Variants in GRAMD1B observed in about 807,000 individuals in gnomAD.
GRAMD1B encodes protein Aster-B.
A neutral mutation model predicts 99.7 loss-of-function variants in GRAMD1B; 37 were observed. The observed-to-expected ratio is 0.37, with a 90% CI of 0.29 to 0.49. The LOEUF (loss-of-function observed/expected upper bound fraction) is 0.49, where lower values mean the gene tolerates loss of function less well. Ranked by LOEUF, GRAMD1B falls within the 20% of genes least tolerant of loss-of-function variation. GRAMD1B has a pLI of 0.98. For missense variants in GRAMD1B, 888 were observed against 1,009.2 expected (o/e 0.88, Z 1.63); for synonymous variants, 427 against 387.6 (o/e 1.10, Z -1.19).
At chr11:123,486,316 CG>C (rs1555041077) in intron 2 of GRAMD1B, among the ~76,000 whole-genome samples, 1 of 151,930 alleles carries the variant, frequency 6.6e-6, no homozygotes, top group Non-Finnish European at 1.5e-5. Flanking sequence ...GGGAGGCCGA[CG>C]TGGGTGGATT....
In GRAMD1B at chr11:123,527,963, T is replaced by A. The variant is rs566035153; in HGVS notation, c.452+47070T>A. Among the ~76,000 whole-genome samples, 3 of 152,338 alleles carry A rather than the reference T, an allele frequency of 2.0e-5. No homozygotes were observed. In the East Asian group the frequency reaches 5.8e-4, roughly 29 times the overall value. On this transcript the variant is annotated intron_variant, in intron 2 of 19. Transcript: ENST00000635736. ...GAGAGCAGTGTTAATCTGGGAACTGTAATTGGGATAATTTTGTCTTCTTCA... is the reference window on the plus strand; with the variant it reads ...GAGAGCAGTGTTAATCTGGGAACTGAAATTGGGATAATTTTGTCTTCTTCA...
In GRAMD1B at chr11:123,619,153, C is replaced by G; in HGVS notation, c.2473C>G (p.Gln825Glu). 3 of 1,571,070 alleles carry G rather than the reference C, an allele frequency of 1.9e-6. No individual in the cohort carries two copies. Among genetic ancestry groups the G allele is most frequent in the Middle Eastern group, 1.7e-4 (1 of 6,018 alleles). ...TEWAQLLESQ[Q>E]KYHDTELQKW... ...ATGGGCCCAGCTCTTAGAGTCCCAA[C>G]AAAAGTACCACGATACTGAGCTCCA... Residue 825 changes from glutamine (Q) to glutamate (E), a missense_variant, in exon 19 of 20, where the codon CAA becomes GAA. Gln to Glu is a conservative substitution (Grantham distance 29). Coordinates refer to ENST00000635736, the MANE Select transcript of GRAMD1B (RefSeq NM_001387025.1).
chr11:123,611,086 G>A lies in GRAMD1B; in HGVS notation c.1919+748G>A, dbSNP rs544677573. On this transcript the variant is annotated intron_variant, in intron 14 of 19. Transcript: ENST00000635736. Reference sequence around the variant, plus strand: ...TGTAAGGAGCCAAAAATTCGCTGATGTAGTTCAAATGAAAGTTTAGTAAAA... The same window carrying A: ...TGTAAGGAGCCAAAAATTCGCTGATATAGTTCAAATGAAAGTTTAGTAAAA... Among the ~76,000 whole-genome samples, 3 of 152,314 alleles carry A rather than the reference G, an allele frequency of 2.0e-5. No individual in the cohort carries two copies. In the East Asian group the frequency reaches 5.8e-4, roughly 29 times the overall value.
chr11:123,548,132 G>A (rs1436235719), intron 2 of GRAMD1B, among the ~76,000 whole-genome samples: 1 of 151,534 alleles, frequency 6.6e-6, no homozygotes, highest in Non-Finnish European at 1.5e-5. Context: ...GATTGCAATG[G>A]GGGGTGAGGC....
chr11:123,423,230 A>G (rs1447311714), intron 1 of GRAMD1B, among the ~76,000 whole-genome samples: 2 of 143,394 alleles, frequency 1.4e-5, no homozygotes, highest in East Asian at 2.0e-4. Context: ...CATAACATCT[A>G]CCAACAATAA....
In GRAMD1B at chr11:123,521,918, A is replaced by G. The variant is rs144281062; in HGVS notation, c.452+41025A>G. Among the ~76,000 whole-genome samples the G allele has an allele frequency of 2.3e-3, 350 of 152,128 alleles. 4 individuals are homozygous for G. The highest frequency in any genetic ancestry group is 7.7e-3 in the African/African-American group (321 of 41,484). On this transcript the variant is annotated intron_variant, in intron 2 of 19. Transcript: ENST00000635736. ...ATCACTAAATTTTTGACGTTTAAAT[A>G]TTTCTTACTTTTTTGATAGCTCATC...
chr11:123,485,947 C>T (rs1937700443), intron 2 of GRAMD1B, among the ~76,000 whole-genome samples: 2 of 152,116 alleles, frequency 1.3e-5, no homozygotes, highest in Non-Finnish European at 2.9e-5. Context: ...AACTCCTGAC[C>T]TCAAGCAATC....
rs542921607 is a variant in GRAMD1B at position 123,492,371 on chromosome 11, T to C, written c.452+11478T>C. Among the ~76,000 whole-genome samples, 2 of 152,200 alleles carry C rather than the reference T, an allele frequency of 1.3e-5. No homozygotes were observed. Among genetic ancestry groups the C allele is most frequent in the South Asian group, 4.2e-4 (2 of 4,816 alleles). ...CTTCCACTTACAGAGACCTAAGCAGTAGGTGTTTGGGGCCATTGCTGTGTG... is the reference window on the plus strand; with the variant it reads ...CTTCCACTTACAGAGACCTAAGCAGCAGGTGTTTGGGGCCATTGCTGTGTG... On this transcript the variant is annotated intron_variant, in intron 2 of 19. Transcript: ENST00000635736. This position sits in a 1 kb window ranked among gnomAD's most constrained non-coding sequence, Gnocchi z 4.2.
At chr11:123,542,819 A>G (rs1357545990) in intron 2 of GRAMD1B, among the ~76,000 whole-genome samples, 2 of 151,976 alleles carry the variant, frequency 1.3e-5, no homozygotes, top group East Asian at 3.9e-4. Context: ...TGCCCGGCTA[A>G]TTTTTTGTAT....
chr11:123,627,419 CT>C lies in GRAMD1B; in HGVS notation c.*4829del. On this transcript the variant is annotated 3_prime_UTR_variant, in exon 20 of 20. Transcript: ENST00000635736. ...AGACCATCTTCCCAAACCCATGGTG[CT>C]TTTTCCCCAACTCAACCTAGACTCC... The C allele has an allele frequency of 1.3e-5, 2 of 152,524 alleles. No individual in the cohort carries two copies. Among genetic ancestry groups the C allele is most frequent in the Non-Finnish European group, 2.9e-5 (2 of 68,160 alleles). The allele number at this position is 152,524 out of a possible 1,614,324, so 9.4% of individuals were successfully genotyped here.
intron 2 of GRAMD1B, among the ~76,000 whole-genome samples, chr11:123,575,702 C>G (rs1302651894): frequency 2.6e-5 from 4 of 152,140 alleles, no homozygotes; most frequent in African/African-American, 9.7e-5. Context: ...CTGCCTGCCA[C>G]CAGCCCCACG....
chr11:123,370,337 CT>C (rs1163332610), intron 1 of GRAMD1B, among the ~76,000 whole-genome samples: 10,853 of 102,600 alleles, frequency 0.11, 486 homozygotes, highest in African/African-American at 0.26. Context: ...GAAGTTATCT[CT>C]TTTTTTTTTT....
At chr11:123,473,872 T>C (rs1039717269) in intron 1 of GRAMD1B, among the ~76,000 whole-genome samples, 3 of 152,240 alleles carry the variant, frequency 2.0e-5, no homozygotes, top group Non-Finnish European at 4.4e-5. Flanking sequence ...CCATACCTGC[T>C]TGCCAGGTGG....
At chr11:123,493,827 G>A (rs1315610461) in intron 2 of GRAMD1B, among the ~76,000 whole-genome samples, 1 of 152,084 alleles carries the variant, frequency 6.6e-6, no homozygotes, top group African/African-American at 2.4e-5. Context: ...GCTGTTGGTG[G>A]AGAGGAAGAC....
chr11:123,449,163 T>C (rs1225173104), intron 1 of GRAMD1B, among the ~76,000 whole-genome samples: 1 of 152,260 alleles, frequency 6.6e-6, no homozygotes, highest in Non-Finnish European at 1.5e-5. Flanking sequence ...ACTGAGGTCT[T>C]CATTATGTCT....
chr11:123,428,300 T>TA (rs1477252164), upstream of GRAMD1B, among the ~76,000 whole-genome samples: 1 of 152,214 alleles, frequency 6.6e-6, no homozygotes, highest in Non-Finnish European at 1.5e-5. Context: ...AGTTTGGAGT[T>TA]ACAGTGCAAT....
intron 1 of GRAMD1B, among the ~76,000 whole-genome samples, chr11:123,462,164 T>A (rs1256550888): frequency 6.6e-6 from 1 of 151,556 alleles, no homozygotes; most frequent in African/African-American, 2.4e-5. Flanking sequence ...AGATGAGGTT[T>A]CACCATGTTA....
Position 123,590,461 on chromosome 11 carries a change from T to C in GRAMD1B, c.685-3621T>C, listed in dbSNP as rs567014321. Among the ~76,000 whole-genome samples the C allele has an allele frequency of 9.2e-5, 14 of 152,304 alleles. No homozygotes were observed. The East Asian group carries it at 2.7e-3, about 29-fold the overall frequency. ...TGGAGCCCTGGCCAGCAACTTTCCA[T>C]TGCAGGAAACATCTGCTGGGGAGGC... is the stretch of plus-strand genomic sequence containing the variant. On this transcript the variant is annotated intron_variant, in intron 4 of 19. Coordinates refer to ENST00000635736, the MANE Select transcript of GRAMD1B (RefSeq NM_001387025.1).
intron 2 of GRAMD1B, among the ~76,000 whole-genome samples, chr11:123,541,698 A>G (rs889274264): frequency 1.3e-5 from 2 of 152,116 alleles, no homozygotes; most frequent in African/African-American, 4.8e-5. Context: ...TTTTTAGCCT[A>G]TATAAGTTTG....
Sources: allele counts gnomAD v4.1 joint callset (sites outside exome capture counted in the v4.1 genomes callset), GRCh38; gene constraint gnomAD v4.1.1; non-coding constraint Gnocchi (gnomAD v3.1); transcripts MANE v1.5; gene names NCBI Gene and HGNC (gene_info 2026-07-23, HGNC 2026-07-21).